ZCCHC14: variants seen among roughly 807,000 people sequenced by gnomAD.
ZCCHC14 encodes zinc finger CCHC-type containing 14.
ZCCHC14 carries 16 observed loss-of-function variants against 85.0 expected under a neutral mutation model. The observed-to-expected ratio is 0.19, with a 90% CI of 0.13 to 0.29. The LOEUF is 0.29. Among genes scored for constraint, ZCCHC14 ranks in the 10% least tolerant of loss-of-function variants. The pLI is 1.00. For synonymous variants in ZCCHC14, 775 were observed against 630.7 expected (o/e 1.23, Z -3.43); for missense variants, 1,303 against 1,443.5 (o/e 0.90, Z 1.58).
At chr16:87,469,043 TGA>T (rs1207809675) in intron 1 of ZCCHC14, among the ~76,000 whole-genome samples, 1 of 152,206 alleles carries the variant, frequency 6.6e-6, no homozygotes, top group African/African-American at 2.4e-5. Flanking sequence ...AGACACATTG[TGA>T]GAGACCATGG....
intron 1 of ZCCHC14, among the ~76,000 whole-genome samples, chr16:87,477,142 C>CAAAAAAAAAAAAAAAAAAAAAAAA (rs1567542354): frequency 1.3e-5 from 1 of 78,606 alleles, no homozygotes. Context: ...AAAAAAAAAA[C>CAAAAAAAAAAAAAAAAAAAAAAAA]AAAACAAAAC....
chr16:87,489,684 C>T (rs11117276), intron 1 of ZCCHC14, among the ~76,000 whole-genome samples: 4 of 151,904 alleles, frequency 2.6e-5, no homozygotes, highest in East Asian at 1.9e-4. Context: ...TGGGGTGTAG[C>T]GGGGGAGGTG....
chr16:87,444,257 A>T (rs1910328444), intron 2 of ZCCHC14, among the ~76,000 whole-genome samples: 1 of 152,158 alleles, frequency 6.6e-6, no homozygotes, highest in Admixed American at 6.5e-5. Context: ...CTGAGTGTTG[A>T]ACATCTTGTT....
Position 87,408,840 on chromosome 16 carries a change from A to G in ZCCHC14, c.*1440T>C, listed in dbSNP as rs1433438680. The G allele has an allele frequency of 6.6e-6, 1 of 152,606 alleles. No individual in the cohort carries two copies. The highest frequency in any genetic ancestry group is 1.9e-4 in the East Asian group (1 of 5,208). The allele number at this position is 152,606 out of a possible 1,614,324, so 9.5% of individuals were successfully genotyped here. A position where few individuals can be genotyped will look rare whatever the true frequency, so the allele number is the denominator to read the frequency against. On this transcript the variant is annotated 3_prime_UTR_variant, in exon 13 of 13. Coordinates refer to ENST00000671377, the MANE Select transcript of ZCCHC14 (RefSeq NM_015144.3). ...CCATTTTAAGAATAGTCTGAATATT[A>G]TAATTTTTTTTAAAATAAATATCCA...
chr16:87,467,628 G>A, intron 1 of ZCCHC14: 1 of 1,068,738 alleles, frequency 9.4e-7, no homozygotes, highest in African/African-American at 1.6e-5. Flanking sequence ...GACTTCCTTG[G>A]GGACTCTGAA....
chr16:87,466,402 G>A (rs1230466981), intron 1 of ZCCHC14, among the ~76,000 whole-genome samples: 3 of 152,236 alleles, frequency 2.0e-5, no homozygotes, highest in African/African-American at 7.2e-5. Context: ...CACCCCACTG[G>A]TGGGCATTTG....
intron 1 of ZCCHC14, among the ~76,000 whole-genome samples, chr16:87,464,502 A>G (rs1459411398): frequency 2.0e-5 from 3 of 152,212 alleles, no homozygotes; most frequent in Non-Finnish European, 4.4e-5. Flanking sequence ...TTCCCCACGC[A>G]GACAGGAAGA....
chr16:87,425,392 C>G (rs1252228327), intron 3 of ZCCHC14, among the ~76,000 whole-genome samples: 1 of 152,016 alleles, frequency 6.6e-6, no homozygotes, highest in Non-Finnish European at 1.5e-5. Context: ...GCCTGACCAA[C>G]GTGGAGAAAC....
chr16:87,463,199 T>C (rs1435390253), intron 1 of ZCCHC14, among the ~76,000 whole-genome samples: 1 of 152,060 alleles, frequency 6.6e-6, no homozygotes, highest in Non-Finnish European at 1.5e-5. Flanking sequence ...CTAGGCAACA[T>C]ATTGAGACCC....
intron 3 of ZCCHC14, among the ~76,000 whole-genome samples, chr16:87,430,375 G>A (rs916889640): frequency 2.6e-5 from 4 of 152,166 alleles, no homozygotes; most frequent in Admixed American, 2.0e-4. Context: ...CCACTCATCT[G>A]TGCTGCCTTC....
intron 3 of ZCCHC14, among the ~76,000 whole-genome samples, chr16:87,430,271 G>A (rs1909585366): frequency 6.6e-6 from 1 of 152,154 alleles, no homozygotes; most frequent in African/African-American, 2.4e-5. Flanking sequence ...ACGGACGTCT[G>A]TTCCAGGGTG....
At chr16:87,470,450 G>GA (rs962813392) in intron 1 of ZCCHC14, 5 of 151,890 alleles carry the variant, frequency 3.3e-5, no homozygotes, top group African/African-American at 1.2e-4. Flanking sequence ...AGCTGCAGGG[G>GA]GTGGCCTCGT....
intron 1 of ZCCHC14, among the ~76,000 whole-genome samples, chr16:87,488,244 A>C (rs1326918398): frequency 6.6e-6 from 1 of 152,248 alleles, no homozygotes; most frequent in Admixed American, 6.5e-5. Flanking sequence ...AACTATTTCC[A>C]AAACTATGGT....
intron 3 of ZCCHC14, among the ~76,000 whole-genome samples, chr16:87,427,781 G>T (rs188536528): frequency 1.4e-3 from 208 of 149,132 alleles, no homozygotes; most frequent in Middle Eastern, 3.5e-3. Context: ...GGGAATATAG[G>T]TGAGTGCCAC....
Position 87,423,826 on chromosome 16 carries a change from G to A in ZCCHC14, c.824C>T (p.Thr275Met), listed in dbSNP as rs371940204. The stretch of plus-strand genomic sequence containing the variant: ...TTACCTTACCTTTGAAATAAATTCC[G>A]TCACTTCAGAGGAAGATTTGGTTAC... The part of the protein sequence containing the change: ...TSVTKSSSEV[T>M]EFISKLCQLY... Residue 275 changes from threonine to methionine, a missense_variant, in exon 4 of 13, where the codon ACG becomes ATG. Transcript: ENST00000671377. 6.8e-5 allele frequency: 110 copies of A among 1,613,792 alleles called. No homozygotes were observed. The highest frequency in any genetic ancestry group is 4.9e-4 in the African/African-American group (37 of 74,866).
intron 1 of ZCCHC14, chr16:87,470,683 T>C (rs918008907): frequency 6.6e-6 from 1 of 152,244 alleles, no homozygotes. Context: ...AGCAACAGAT[T>C]ACTATTGAAA....
At chr16:87,474,755 C>G (rs926242999) in intron 1 of ZCCHC14, among the ~76,000 whole-genome samples, 1 of 152,158 alleles carries the variant, frequency 6.6e-6, no homozygotes, top group African/African-American at 2.4e-5. Context: ...AGCTGGAAAG[C>G]GACAGGAGAA....
In ZCCHC14 at chr16:87,458,228, G is replaced by T. The variant is rs1897249373; in HGVS notation, c.694+1780C>A. Among the ~76,000 whole-genome samples, 2 of 152,182 alleles carry T rather than the reference G, an allele frequency of 1.3e-5. 1 individual carries two copies. The highest frequency in any genetic ancestry group is 1.3e-4 in the Admixed American group (2 of 15,284). On this transcript the variant is annotated intron_variant, in intron 2 of 12. Coordinates refer to ENST00000671377, the MANE Select transcript of ZCCHC14 (RefSeq NM_015144.3). ...CTAGGCTGGACTGTCTGGGGACAAA[G>T]GAAGCGGCACTCCACGGCAGGCCTT...
chr16:87,485,889 G>A (rs1299224215), intron 1 of ZCCHC14, among the ~76,000 whole-genome samples: 3 of 152,258 alleles, frequency 2.0e-5, no homozygotes, highest in Non-Finnish European at 2.9e-5. Context: ...TAAACAGTAC[G>A]CTTCACCTGC....
Sources: gnomAD v4.1 joint callset for allele counts (sites outside exome capture counted in the v4.1 genomes callset) on GRCh38, gnomAD v4.1.1 for gene constraint, MANE v1.5 for transcripts, NCBI Gene and HGNC (gene_info 2026-07-23, HGNC 2026-07-21) for gene names.